Variants in VAT1L observed in about 807,000 individuals in gnomAD.
VAT1L encodes vesicle amine transport 1 like, also known as putative NADPH-dependent quinone oxidoreductase VAT1L.
Under a neutral mutation model 44.1 loss-of-function variants are expected in VAT1L, and 34 were observed. The observed-to-expected ratio is 0.77, with a 90% CI of 0.59 to 1.03. The LOEUF (loss-of-function observed/expected upper bound fraction) is 1.03, where lower values mean the gene tolerates loss of function less well. Ranked by LOEUF, VAT1L falls within the 50% of genes least tolerant of loss-of-function variation. The probability of loss-of-function intolerance (pLI) is 0.00; values close to 1 mark genes in which losing one functional copy is unlikely to be tolerated. For missense variants in VAT1L, 615 were observed against 538.8 expected (o/e 1.14, Z -1.40); for synonymous variants, 253 against 202.2 (o/e 1.25, Z -2.13).
At chr16:77,827,673 G>A (rs1031564775) in intron 3 of VAT1L, among the ~76,000 whole-genome samples, 5 of 152,120 alleles carry the variant, frequency 3.3e-5, no homozygotes, top group African/African-American at 4.8e-5. Context: ...AGTGAAAATA[G>A]GGGGAAATGG....
At chr16:77,813,583 G>A (rs574755181) in intron 1 of VAT1L, among the ~76,000 whole-genome samples, 4 of 152,346 alleles carry the variant, frequency 2.6e-5, no homozygotes, top group African/African-American at 9.6e-5. Flanking sequence ...GGTGCAGGGA[G>A]TTGGGTTGAC....
Sources: gnomAD v4.1 joint callset for allele counts (sites outside exome capture counted in the v4.1 genomes callset) on GRCh38, gnomAD v4.1.1 for gene constraint, MANE v1.5 for transcripts, NCBI Gene and HGNC (gene_info 2026-07-23, HGNC 2026-07-21) for gene names.